Variants in HNF1B observed in about 807,000 individuals in gnomAD.
HNF1B encodes hepatocyte nuclear factor 1-beta.
HNF1B carries 8 observed loss-of-function variants against 61.7 expected under a neutral mutation model. The observed-to-expected ratio is 0.13, with a 90% confidence interval of 0.08 to 0.23. The LOEUF (loss-of-function observed/expected upper bound fraction) is 0.23. Ranked by LOEUF, HNF1B falls within the 10% of genes least tolerant of loss-of-function variation. The pLI, the probability that HNF1B is intolerant of heterozygous loss-of-function variation, is 1.00. For missense variants in HNF1B, 562 were observed against 714.5 expected (o/e 0.79, Z 2.43); for synonymous variants, 314 against 287.7 (o/e 1.09, Z -0.93).
chr17:37,734,745 A>G (rs1048820403), intron 2 of HNF1B, among the ~76,000 whole-genome samples: 1 of 151,758 alleles, frequency 6.6e-6, no homozygotes, highest in Non-Finnish European at 1.5e-5. Context: ...CACGTAATAC[A>G]TTCATCTCCT....
At chr17:37,718,103 C>T (rs1306620359) in intron 4 of HNF1B, among the ~76,000 whole-genome samples, 1 of 151,712 alleles carries the variant, frequency 6.6e-6, no homozygotes, top group Non-Finnish European at 1.5e-5. Flanking sequence ...GGGAAGCCCA[C>T]AAACTGGTTT....
At chr17:37,739,662 A>T in intron 1 of HNF1B, 23 bp from the exon 2 acceptor site, 1 of 1,582,646 alleles carries the variant, frequency 6.3e-7, no homozygotes, top group South Asian at 1.1e-5. Context: ...GCAGATGGTT[A>T]GGGTACTAGT....
intron 4 of HNF1B, among the ~76,000 whole-genome samples, chr17:37,713,387 A>G (rs1435965037): frequency 6.6e-6 from 1 of 152,240 alleles, no homozygotes; most frequent in African/African-American, 2.4e-5. Context: ...TTTCCGCAGG[A>G]AACAAAAGGC....
At chr17:37,743,268 G>A (rs2034056060) in intron 1 of HNF1B, among the ~76,000 whole-genome samples, 1 of 152,202 alleles carries the variant, frequency 6.6e-6, no homozygotes, top group African/African-American at 2.4e-5. Flanking sequence ...GCCGCTCCTA[G>A]GGGCCACTCT....
chr17:37,696,951 T>A (rs2032405748), intron 8 of HNF1B, among the ~76,000 whole-genome samples: 1 of 152,206 alleles, frequency 6.6e-6, no homozygotes, highest in Non-Finnish European at 1.5e-5. Context: ...TGGAAGAACG[T>A]TTCCTGAGTG....
chr17:37,743,957 G>C (rs994038901), intron 1 of HNF1B, among the ~76,000 whole-genome samples: 2 of 152,246 alleles, frequency 1.3e-5, no homozygotes, highest in African/African-American at 4.8e-5. Context: ...CCGCGTTGGG[G>C]ATCCCGGATA....
chr17:37,692,124 G>GA (rs2032224986), intron 8 of HNF1B, among the ~76,000 whole-genome samples: 1 of 152,202 alleles, frequency 6.6e-6, no homozygotes, highest in Non-Finnish European at 1.5e-5. Context: ...GAGAAGGAGG[G>GA]AGACGTATGT....
At chr17:37,731,853 T>C in intron 3 of HNF1B, 23 bp from the exon 4 acceptor site, 1 of 1,005,030 alleles carries the variant, frequency 9.9e-7, no homozygotes, top group Non-Finnish European at 1.4e-6. Context: ...GGAGGGGAGA[T>C]GGTGAGTGAG....
Position 37,689,615 on chromosome 17 carries a change from C to T in HNF1B, c.1654-2223G>A, listed in dbSNP as rs373746185. On this transcript the variant is annotated intron_variant, in intron 8 of 8. Coordinates refer to ENST00000617811, the MANE Select transcript of HNF1B (RefSeq NM_000458.4). ...CCCTTAGAACTGGAGGCCCAGCACA[C>T]GCAGCCCCACGGGGGCCTGGCCCAG... Among the ~76,000 whole-genome samples, 19 of 152,358 alleles carry T rather than the reference C, an allele frequency of 1.2e-4. 2 individuals are homozygous for T. In the South Asian group the frequency reaches 1.4e-3, roughly 12 times the overall value.
At position 37,710,503 on chromosome 17, in the gene HNF1B, C is replaced by T; in HGVS notation, c.1206G>A (p.Met402Ile). 6.2e-7 allele frequency: 1 copy of T among 1,614,232 alleles called. No homozygotes were observed. The highest frequency in any genetic ancestry group is 8.5e-7 in the Non-Finnish European group (1 of 1,180,034). Reference protein sequence around the residue: ...GHNLLSPDGKMISVSGGGLPP... With the variant: ...GHNLLSPDGKIISVSGGGLPP... Reference sequence around the variant, plus strand: ...GCGACAATGGCCCAGGTGTACTCACCATTTTACCATCAGGTGAGAGGAGAT... The same window carrying T: ...GCGACAATGGCCCAGGTGTACTCACTATTTTACCATCAGGTGAGAGGAGAT... Residue 402 changes from methionine to isoleucine, a missense_variant and splice_region_variant, in exon 5 of 9, where the codon ATG (methionine) becomes ATA (isoleucine). By Grantham distance (10) the Met-to-Ile change is conservative (BLOSUM62 1). Transcript: ENST00000617811.
chr17:37,710,082 C>T (rs555652836), intron 5 of HNF1B, among the ~76,000 whole-genome samples: 2 of 152,236 alleles, frequency 1.3e-5, no homozygotes, highest in East Asian at 1.9e-4. Context: ...CTTGTCAGTA[C>T]CAAGGGGATG....
chr17:37,687,582 G>C (rs565470924), intron 8 of HNF1B, among the ~76,000 whole-genome samples, 190 bp from the exon 9 acceptor site: 1 of 152,152 alleles, frequency 6.6e-6, no homozygotes, highest in Non-Finnish European at 1.5e-5. Context: ...AGGAAAACCC[G>C]GGAGCCGGCT....
At chr17:37,714,535 G>A (rs1269334697) in intron 4 of HNF1B, among the ~76,000 whole-genome samples, 1 of 152,096 alleles carries the variant, frequency 6.6e-6, no homozygotes, top group African/African-American at 2.4e-5. Context: ...CCACTCACTG[G>A]CCCCATCCCC....
chr17:37,700,028 C>T (rs2032512722), intron 7 of HNF1B, among the ~76,000 whole-genome samples: 1 of 152,250 alleles, frequency 6.6e-6, no homozygotes, highest in African/African-American at 2.4e-5. Context: ...TTCATAATGA[C>T]TCTAAATGCA....
Position 37,710,672 on chromosome 17 carries a change from C to T in HNF1B, c.1046-9G>A. The stretch of plus-strand genomic sequence containing the variant: ...CTGGCTGTAGCGCACTCCTGCAAAA[C>T]AACACAAACCCAGTAGGGAACATTA... On this transcript the variant is annotated splice_polypyrimidine_tract_variant and intron_variant, in intron 4 of 8. Coordinates refer to ENST00000617811, the MANE Select transcript of HNF1B (RefSeq NM_000458.4). 6.2e-7 allele frequency: 1 copy of T among 1,612,448 alleles called. No individual in the cohort carries two copies. Among genetic ancestry groups the T allele is most frequent in the Non-Finnish European group, 8.5e-7 (1 of 1,179,002 alleles).
At chr17:37,696,150 TAA>T (rs1598801730) in intron 8 of HNF1B, among the ~76,000 whole-genome samples, 1 of 151,998 alleles carries the variant, frequency 6.6e-6, no homozygotes, top group Non-Finnish European at 1.5e-5. Flanking sequence ...TCTGGCTGTT[TAA>T]AAGAGTCTAG....
At chr17:37,743,572 G>C (rs35880554) in intron 1 of HNF1B, among the ~76,000 whole-genome samples, 33 of 152,236 alleles carry the variant, frequency 2.2e-4, no homozygotes, top group Non-Finnish European at 3.8e-4. Flanking sequence ...CCCCGAAATC[G>C]CAGCGCTTCA....
intron 8 of HNF1B, among the ~76,000 whole-genome samples, chr17:37,693,912 T>C (rs958089915): frequency 1.3e-5 from 2 of 152,232 alleles, no homozygotes; most frequent in Non-Finnish European, 2.9e-5. Context: ...TCTTGCTCTT[T>C]ATCTCACCAT....
At chr17:37,688,772 G>A (rs569090862) in intron 8 of HNF1B, among the ~76,000 whole-genome samples, 3 of 152,270 alleles carry the variant, frequency 2.0e-5, no homozygotes, top group African/African-American at 7.2e-5. Context: ...GTGGAGTCCT[G>A]AGCATGGTCC....
Sources: gnomAD v4.1 joint callset for allele counts (sites outside exome capture counted in the v4.1 genomes callset) on GRCh38, gnomAD v4.1.1 for gene constraint, MANE v1.5 for transcripts, NCBI Gene and HGNC (gene_info 2026-07-23, HGNC 2026-07-21) for gene names.